FER1L6: variants seen among roughly 807,000 people sequenced by gnomAD.
FER1L6 encodes the protein fer-1-like protein 6.
FER1L6 carries 177 observed loss-of-function variants against 219.2 expected under a neutral mutation model. The ratio of observed to expected loss-of-function variants is 0.81; its 90% CI spans 0.71 to 0.91. The LOEUF (loss-of-function observed/expected upper bound fraction) is 0.91. Ranked by LOEUF, FER1L6 falls within the 40% of genes least tolerant of loss-of-function variation. The pLI, the probability that FER1L6 is intolerant of heterozygous loss-of-function variation, is 0.00. For synonymous variants in FER1L6, 768 were observed against 824.3 expected (o/e 0.93, Z 1.17); for missense variants, 2,153 against 2,259.9 (o/e 0.95, Z 0.96).
chr8:123,934,779 G>A (rs542548252), intron 1 of FER1L6, among the ~76,000 whole-genome samples: 15 of 152,116 alleles, frequency 9.9e-5, no homozygotes, highest in Non-Finnish European at 1.3e-4. Context: ...AGGGGTCCTG[G>A]TGGGAGGTGA....
intron 1 of FER1L6, among the ~76,000 whole-genome samples, chr8:123,898,802 TACAC>T: frequency 3.5e-5 from 5 of 143,040 alleles, no homozygotes; most frequent in East Asian, 2.0e-4. Context: ...TATACATATA[TACAC>T]ATATATATAC....
chr8:123,928,663 A>C (rs1813655865), intron 1 of FER1L6, among the ~76,000 whole-genome samples: 1 of 152,216 alleles, frequency 6.6e-6, no homozygotes, highest in Non-Finnish European at 1.5e-5. Context: ...ATGGTTTCAC[A>C]GCCTTTAACA....
chr8:123,998,241 A>G (rs1817225605), intron 12 of FER1L6, among the ~76,000 whole-genome samples: 1 of 152,204 alleles, frequency 6.6e-6, no homozygotes, highest in Non-Finnish European at 1.5e-5. Flanking sequence ...GGGAACTTCA[A>G]GCCTAGTAAC....
Position 123,995,801 on chromosome 8 carries a change from TTGC to T in FER1L6, c.1520-7364_1520-7362del, listed in dbSNP as rs530145743. On this transcript the variant is annotated intron_variant, in intron 12 of 40. Transcript: ENST00000522917. ...TCTAGTTTTTTGATGTAGGTGCTTA[TTGC>T]TATAAACATTCCTCTTAGTACTGCT... is the stretch of plus-strand genomic sequence containing the variant. Among the ~76,000 whole-genome samples, 18 of 152,256 alleles carry T rather than the reference TTGC, an allele frequency of 1.2e-4. No individual in the cohort carries two copies. The East Asian group carries it at 2.9e-3, about 24-fold the overall frequency.
intron 10 of FER1L6, among the ~76,000 whole-genome samples, chr8:123,980,252 T>C (rs1816263702): frequency 6.6e-6 from 1 of 152,220 alleles, no homozygotes; most frequent in Admixed American, 6.5e-5. Flanking sequence ...TTGGCATTTA[T>C]GGTATTAGTA....
In FER1L6 at chr8:124,119,676, T is replaced by C. The variant is rs781736200; in HGVS notation, c.5460T>C (p.Asn1820=). The change falls in exon 41 of 41, where the codon AAT becomes AAC. Residue 1820 remains asparagine (N), a synonymous_variant. Transcript: ENST00000522917. The part of the protein sequence containing the change: ...FKCLYYLIWK[N]YKKYIIIAFI... ...GCCTGTACTACCTCATCTGGAAGAA[T>C]TACAAAAAGTACATCATCATTGCTT... 3 of 1,613,514 alleles carry C rather than the reference T, an allele frequency of 1.9e-6. No homozygotes were observed. The highest frequency in any genetic ancestry group is 1.7e-5 in the Admixed American group (1 of 59,996).
At chr8:123,854,993 A>G (rs1383918960) in intron 1 of FER1L6, among the ~76,000 whole-genome samples, 1 of 152,168 alleles carries the variant, frequency 6.6e-6, no homozygotes, top group Non-Finnish European at 1.5e-5. Flanking sequence ...CATCACCTCT[A>G]CCTAGTTCTA....
chr8:124,042,054 T>C (rs1819524689), intron 20 of FER1L6, among the ~76,000 whole-genome samples: 1 of 152,076 alleles, frequency 6.6e-6, no homozygotes, highest in Non-Finnish European at 1.5e-5. Context: ...AGCAAGGGAG[T>C]TCTCATAGGA....
chr8:124,076,917 T>C (rs1821319685), intron 32 of FER1L6, among the ~76,000 whole-genome samples: 1 of 152,258 alleles, frequency 6.6e-6, no homozygotes, highest in African/African-American at 2.4e-5. Flanking sequence ...CAAGTTGTGC[T>C]TTGTTTTCCT....
chr8:124,018,990 G>T (rs1586598148), intron 16 of FER1L6, among the ~76,000 whole-genome samples: 1 of 152,140 alleles, frequency 6.6e-6, no homozygotes, highest in African/African-American at 2.4e-5. Context: ...TAGCACCTCT[G>T]TTCTAGAGTA....
chr8:124,016,358 A>G (rs545703261), intron 15 of FER1L6, among the ~76,000 whole-genome samples: 14 of 152,308 alleles, frequency 9.2e-5, no homozygotes, highest in African/African-American at 3.1e-4. Context: ...AGAGCCTGGT[A>G]TGGGACCTTG....
At chr8:124,033,647 G>A (rs1192098710) in intron 18 of FER1L6, among the ~76,000 whole-genome samples, 2 of 152,130 alleles carry the variant, frequency 1.3e-5, no homozygotes, top group Admixed American at 1.3e-4. Flanking sequence ...TTTCCCAAAA[G>A]CTCTTAGCAT....
intron 40 of FER1L6, among the ~76,000 whole-genome samples, 179 bp downstream of exon 40, chr8:124,119,123 A>G (rs1428998710): frequency 6.6e-6 from 1 of 152,214 alleles, no homozygotes; most frequent in Non-Finnish European, 1.5e-5. Flanking sequence ...AATATAAGAC[A>G]TATAAGACAT....
At chr8:124,095,182 T>C in intron 35 of FER1L6, 144 bp downstream of exon 35, 1 of 1,114,816 alleles carries the variant, frequency 9.0e-7, no homozygotes, top group Middle Eastern at 2.2e-4. Flanking sequence ...GTAGGTGGGG[T>C]TGCTACTGGC....
At position 124,035,231 on chromosome 8, in the gene FER1L6, A is replaced by G. The variant is rs374968623; in HGVS notation, c.2287-46A>G. On this transcript the variant is annotated intron_variant, in intron 18 of 40. Coordinates refer to ENST00000522917, the MANE Select transcript of FER1L6 (RefSeq NM_001039112.2). ...CTTTTCTCAAAAGGGGAGGCCTATAATTATCTCCTACTAATAAGTCAGTCT... is the reference window on the plus strand; with the variant it reads ...CTTTTCTCAAAAGGGGAGGCCTATAGTTATCTCCTACTAATAAGTCAGTCT... 4.4e-6 allele frequency: 7 copies of G among 1,582,746 alleles called. No homozygotes were observed. In the South Asian group the frequency reaches 8.2e-5, roughly 19 times the overall value.
At chr8:123,933,828 A>T (rs1478877227) in intron 1 of FER1L6, among the ~76,000 whole-genome samples, 1 of 152,040 alleles carries the variant, frequency 6.6e-6, no homozygotes, top group Non-Finnish European at 1.5e-5. Context: ...TTTCTCATGA[A>T]GTTTTATTTT....
chr8:123,974,495 G>T (rs1487959052), intron 7 of FER1L6, among the ~76,000 whole-genome samples: 1 of 151,208 alleles, frequency 6.6e-6, no homozygotes, highest in African/African-American at 2.4e-5. Flanking sequence ...AATTAGCTGG[G>T]CGTGATGGTG....
chr8:123,867,593 C>T (rs1816857236), intron 1 of FER1L6, among the ~76,000 whole-genome samples: 1 of 152,102 alleles, frequency 6.6e-6, no homozygotes, highest in Non-Finnish European at 1.5e-5. Flanking sequence ...AAAATGAGAA[C>T]AATCTCTTAG....
At chr8:124,013,304 A>T in intron 14 of FER1L6, 127 bp from the exon 15 acceptor site, 1 of 531,096 alleles carries the variant, frequency 1.9e-6, no homozygotes, top group Non-Finnish European at 3.3e-6. Context: ...AGAAAACTAG[A>T]TAAATCCTCC....
Sources: gnomAD v4.1 joint callset for allele counts (sites outside exome capture counted in the v4.1 genomes callset) on GRCh38, gnomAD v4.1.1 for gene constraint, MANE v1.5 for transcripts, NCBI Gene and HGNC (gene_info 2026-07-23, HGNC 2026-07-21) for gene names.